Variants in NEDD4L observed in about 807,000 individuals in gnomAD.
NEDD4L encodes the protein NEDD4 like E3 ubiquitin protein ligase.
Under a neutral mutation model 148.9 loss-of-function variants are expected in NEDD4L, and 54 were observed. The ratio of observed to expected loss-of-function variants is 0.36; its 90% CI spans 0.29 to 0.45. The LOEUF (loss-of-function observed/expected upper bound fraction) is 0.45, where lower values mean the gene tolerates loss of function less well. Among genes scored for constraint, NEDD4L ranks in the 20% least tolerant of loss-of-function variants. The pLI is 1.00. For synonymous variants in NEDD4L, 433 were observed against 440.7 expected, an observed-to-expected ratio of 0.98 and a Z score of 0.22; for missense variants, 856 against 1,233.8, an observed-to-expected ratio of 0.69 and a Z score of 4.59.
chr18:58,295,411 A>T (rs28497993), intron 5 of NEDD4L, among the ~76,000 whole-genome samples: 25,371 of 151,964 alleles, frequency 0.17, 2,315 homozygotes, highest in East Asian at 0.29. Context: ...AGTAATATGC[A>T]TTTAAGGTTC....
chr18:58,248,042 T>C (rs1253237769), intron 3 of NEDD4L, among the ~76,000 whole-genome samples: 4 of 152,266 alleles, frequency 2.6e-5, no homozygotes, highest in Admixed American at 6.5e-5. Flanking sequence ...GGAAATAGAT[T>C]GATAAATATC....
intron 13 of NEDD4L, among the ~76,000 whole-genome samples, chr18:58,340,522 G>T (rs941483576): frequency 3.9e-5 from 6 of 152,182 alleles, no homozygotes; most frequent in Non-Finnish European, 8.8e-5. Flanking sequence ...AAGGGGCTCT[G>T]TGTTGGGATT....
Position 58,366,238 on chromosome 18 carries a change from T to A in NEDD4L, c.2063+10T>A, listed in dbSNP as rs968074200. 1.3e-6 allele frequency: 2 copies of A among 1,562,828 alleles called. No homozygotes were observed. Reference sequence around the variant, plus strand: ...TTGAGTACTCTGCCACGTAAGTATATGGCCACACCCAGTGTGTGTCCCCCA... The same window carrying A: ...TTGAGTACTCTGCCACGTAAGTATAAGGCCACACCCAGTGTGTGTCCCCCA... On this transcript the variant is annotated intron_variant, in intron 21 of 30. Transcript: ENST00000400345. This position sits in a 1 kb window ranked among gnomAD's most constrained non-coding sequence, Gnocchi z 4.2.
chr18:58,214,962 C>A (rs2043014656), intron 2 of NEDD4L, among the ~76,000 whole-genome samples: 1 of 151,904 alleles, frequency 6.6e-6, no homozygotes. Flanking sequence ...TAGGCATGCA[C>A]CACCATGCCT....
intron 19 of NEDD4L, chr18:58,360,191 C>A (rs2045281866): frequency 6.6e-6 from 1 of 152,222 alleles, no homozygotes; most frequent in South Asian, 2.1e-4. Context: ...GAGTTCTCTT[C>A]ATTTATCTTG....
In NEDD4L at chr18:58,044,454, A is replaced by G; in HGVS notation, c.-207A>G. The G allele has an allele frequency of 2.0e-6, 1 of 509,196 alleles. No individual in the cohort carries two copies. The highest frequency in any genetic ancestry group is 1.0e-4 in the South Asian group (1 of 9,804). 31.5% of individuals were successfully genotyped at this position (509,196 alleles called of 1,614,324 possible). A position where few individuals can be genotyped will look rare whatever the true frequency, so the allele number is the denominator to read the frequency against. On this transcript the variant is annotated 5_prime_UTR_variant, in exon 1 of 31. Coordinates refer to ENST00000400345, the MANE Select transcript of NEDD4L (RefSeq NM_001144967.3). ...GGAGCCGCCCGCCCGCTGGTCCCGC[A>G]GCCTTCCGGGAGGAAGCGGTGCCGG...
At chr18:58,093,559 C>T (rs2084202575) in intron 1 of NEDD4L, among the ~76,000 whole-genome samples, 1 of 152,168 alleles carries the variant, frequency 6.6e-6, no homozygotes, top group Non-Finnish European at 1.5e-5. Context: ...AAGCTGAATA[C>T]CTTCAATTCA....
At chr18:58,178,234 G>A (rs1414489072) in intron 2 of NEDD4L, among the ~76,000 whole-genome samples, 1 of 152,184 alleles carries the variant, frequency 6.6e-6, no homozygotes, top group East Asian at 1.9e-4. Context: ...GTCGGTCAAT[G>A]ACAGACTAAT....
intron 2 of NEDD4L, among the ~76,000 whole-genome samples, chr18:58,206,827 C>G (rs1247219998): frequency 6.6e-6 from 1 of 152,176 alleles, no homozygotes; most frequent in Admixed American, 6.5e-5. Flanking sequence ...GCAAATATTA[C>G]AGCACGAACA....
Position 58,396,512 on chromosome 18 carries a change from A to T in NEDD4L, c.*243A>T. ...TGTACACTAATTACATTTCAGGAGGACTTAATGCTATTTATGTTGTGCCTC... is the reference window on the plus strand; with the variant it reads ...TGTACACTAATTACATTTCAGGAGGTCTTAATGCTATTTATGTTGTGCCTC... On this transcript the variant is annotated 3_prime_UTR_variant, in exon 31 of 31. Coordinates refer to ENST00000400345, the MANE Select transcript of NEDD4L (RefSeq NM_001144967.3). 2.7e-6 allele frequency: 1 copy of T among 370,642 alleles called. No homozygotes were observed. Among genetic ancestry groups the T allele is most frequent in the South Asian group, 3.9e-5 (1 of 25,864 alleles). 23.0% of individuals were successfully genotyped at this position (370,642 alleles called of 1,614,324 possible). A position where few individuals can be genotyped will look rare whatever the true frequency, so the allele number is the denominator to read the frequency against.
Position 58,254,798 on chromosome 18 carries a change from T to C in NEDD4L, c.297+2744T>C, listed in dbSNP as rs527654774. 3.0e-4 allele frequency among the ~76,000 whole-genome samples: 46 copies of C among 152,308 alleles called. 1 individual carries two copies. In the South Asian group the frequency reaches 9.3e-3, roughly 31 times the overall value. On this transcript the variant is annotated intron_variant, in intron 5 of 30. Transcript: ENST00000400345. ...AAAAATGCTGTGATAGCAGGAGGGC[T>C]CTGCTTGGCTAACTGGTTGTGTAGC...
chr18:58,099,430 A>G (rs1303691353), intron 1 of NEDD4L, among the ~76,000 whole-genome samples: 1 of 152,258 alleles, frequency 6.6e-6, no homozygotes, highest in African/African-American at 2.4e-5. Flanking sequence ...AGTAATAAAT[A>G]CTAAACTATT....
rs142084003 is a variant in NEDD4L at position 58,214,645 on chromosome 18, TTTG to T, written c.123-30767_123-30765del. Among the ~76,000 whole-genome samples the T allele has an allele frequency of 3.8e-3, 475 of 123,768 alleles. 4 individuals carry two copies. Among genetic ancestry groups the T allele is most frequent in the Middle Eastern group, 0.012 (3 of 242 alleles). 81.2% of individuals were successfully genotyped at this position (123,768 alleles called of 152,430 possible). A position where few individuals can be genotyped will look rare whatever the true frequency, so the allele number is the denominator to read the frequency against. On this transcript the variant is annotated intron_variant, in intron 2 of 30. Transcript: ENST00000400345. ...TGTGTGTGTGTGTGTGTGTGTGTGT[TTTG>T]TTGTTGTTGTTGTTTTAAACGGGAT...
chr18:58,134,747 C>T (rs1230452262), intron 1 of NEDD4L, among the ~76,000 whole-genome samples: 1 of 148,812 alleles, frequency 6.7e-6, no homozygotes, highest in African/African-American at 2.5e-5. Flanking sequence ...AATCTTTTTT[C>T]TTTTGTCTTC....
intron 1 of NEDD4L, among the ~76,000 whole-genome samples, chr18:58,129,590 G>T (rs1350066265): frequency 6.6e-6 from 1 of 152,228 alleles, no homozygotes; most frequent in Non-Finnish European, 1.5e-5. Flanking sequence ...ATCAACAAAT[G>T]ATTTCATTAA....
chr18:58,138,983 C>G (rs924615438), intron 1 of NEDD4L, among the ~76,000 whole-genome samples: 1 of 152,228 alleles, frequency 6.6e-6, no homozygotes, highest in African/African-American at 2.4e-5. Context: ...ACCACGCTGG[C>G]TCATTTCAGC....
At position 58,256,738 on chromosome 18, in the gene NEDD4L, C is replaced by T. The variant is rs559811034; in HGVS notation, c.297+4684C>T. 4 of 1,232,034 alleles carry T rather than the reference C, an allele frequency of 3.2e-6. No individual in the cohort carries two copies. The highest frequency in any genetic ancestry group is 1.5e-5 in the African/African-American group (1 of 64,532). The allele number at this position is 1,232,034 out of a possible 1,614,324, so 76.3% of individuals were successfully genotyped here. On this transcript the variant is annotated intron_variant, in intron 5 of 30. Coordinates refer to ENST00000400345, the MANE Select transcript of NEDD4L (RefSeq NM_001144967.3). The surrounding 1 kb of genome is among the most constrained non-coding windows in gnomAD (Gnocchi z 5.2). ...CTCCCCAGAATCCCGAGGAGAAAAG[C>T]GCCAAAAGCCCTGTTTCCACGGGAG...
intron 2 of NEDD4L, chr18:58,190,002 C>A (rs1324160575): frequency 6.6e-6 from 1 of 152,108 alleles, no homozygotes. Flanking sequence ...ACCAAGTATT[C>A]CAAATCGTTT....
At chr18:58,160,077 G>A (rs2036008456) in intron 1 of NEDD4L, among the ~76,000 whole-genome samples, 1 of 152,238 alleles carries the variant, frequency 6.6e-6, no homozygotes, top group Non-Finnish European at 1.5e-5. Flanking sequence ...AAAGTCATAG[G>A]AGAAATGGTA....
Sources: allele counts gnomAD v4.1 joint callset (sites outside exome capture counted in the v4.1 genomes callset), GRCh38; gene constraint gnomAD v4.1.1; non-coding constraint Gnocchi (gnomAD v3.1); transcripts MANE v1.5; gene names NCBI Gene and HGNC (gene_info 2026-07-23, HGNC 2026-07-21).